The following TRAPPC9 variants were observed in gnomAD, a reference collection of about 807,000 sequenced individuals.
TRAPPC9 encodes the protein trafficking protein particle complex subunit 9, also known as IKK2 binding protein.
In TRAPPC9, 83 loss-of-function variants were observed where a neutral mutation model predicts 124.0. That is an observed-to-expected ratio of 0.67 (90% confidence interval 0.56 to 0.80). The LOEUF is 0.80. Among genes scored for constraint, TRAPPC9 ranks in the 30% least tolerant of loss-of-function variants. The pLI, the probability that TRAPPC9 is intolerant of heterozygous loss-of-function variation, is 0.00. For missense variants in TRAPPC9, 1,302 were observed against 1,508.3 expected, an observed-to-expected ratio of 0.86 and a Z score of 2.27; for synonymous variants, 638 against 617.5, an observed-to-expected ratio of 1.03 and a Z score of -0.49.
chr8:139,759,942 C>G (rs1820108578), intron 21 of TRAPPC9, among the ~76,000 whole-genome samples: 1 of 152,230 alleles, frequency 6.6e-6, no homozygotes, highest in Admixed American at 6.5e-5. Context: ...GAAGCCGTCC[C>G]TGGGGGCTGG....
At chr8:140,174,722 T>C (rs1159592492) in intron 17 of TRAPPC9, among the ~76,000 whole-genome samples, 1 of 152,222 alleles carries the variant, frequency 6.6e-6, no homozygotes, top group Non-Finnish European at 1.5e-5. Context: ...TCAAGGTGCA[T>C]CATGTCAAAG....
At chr8:140,025,062 C>T (rs1170713366) in intron 17 of TRAPPC9, among the ~76,000 whole-genome samples, 3 of 152,150 alleles carry the variant, frequency 2.0e-5, no homozygotes, top group Non-Finnish European at 4.4e-5. Context: ...TATGGGGAGA[C>T]CCCACCCATG....
chr8:140,278,663 C>T (rs969829464), intron 14 of TRAPPC9, among the ~76,000 whole-genome samples: 36 of 152,118 alleles, frequency 2.4e-4, no homozygotes, highest in Middle Eastern at 3.2e-3. Context: ...TGGAGAGGGC[C>T]GGACAACGCA....
At chr8:139,975,047 C>A (rs577694968) in intron 19 of TRAPPC9, among the ~76,000 whole-genome samples, 3 of 152,284 alleles carry the variant, frequency 2.0e-5, no homozygotes, top group Admixed American at 2.0e-4. Context: ...ACTGCCTCTC[C>A]AGCTCACTCT....
chr8:140,002,163 T>C lies in TRAPPC9; in HGVS notation c.2700-13327A>G, dbSNP rs1451663241. Among the ~76,000 whole-genome samples, 3 of 151,652 alleles carry C rather than the reference T, an allele frequency of 2.0e-5. 1 individual carries two copies. Among genetic ancestry groups the C allele is most frequent in the Non-Finnish European group, 1.5e-5 (1 of 67,902 alleles). ...CCACAAATACCCTTCATACCAATAA[T>C]ACTCAACAAATTTTTTGATACCAAA... On this transcript the variant is annotated intron_variant, in intron 18 of 22. Coordinates refer to ENST00000438773, the MANE Select transcript of TRAPPC9 (RefSeq NM_001160372.4).
chr8:140,426,143 G>A (rs1372164637), intron 5 of TRAPPC9, among the ~76,000 whole-genome samples: 1 of 152,162 alleles, frequency 6.6e-6, no homozygotes, highest in East Asian at 1.9e-4. Flanking sequence ...GGTTTTTGCT[G>A]TATTAATTAC....
chr8:140,419,444 A>AC lies in TRAPPC9; in HGVS notation c.886+7170_886+7171insG, dbSNP rs1171561190. ...ACTCCGTCTCAAAAAAAAAAAAAAA[A>AC]AAAAAAAACAAAACAAAACAAAAAA... On this transcript the variant is annotated intron_variant, in intron 5 of 22. Coordinates refer to ENST00000438773, the MANE Select transcript of TRAPPC9 (RefSeq NM_001160372.4). 6.7e-3 allele frequency among the ~76,000 whole-genome samples: 974 copies of AC among 146,364 alleles called. 7 individuals carry two copies. The highest frequency in any genetic ancestry group is 0.018 in the Middle Eastern group (5 of 276).
chr8:140,028,224 T>C (rs907007806), intron 17 of TRAPPC9, among the ~76,000 whole-genome samples: 15 of 152,176 alleles, frequency 9.9e-5, no homozygotes, highest in Non-Finnish European at 1.8e-4. Flanking sequence ...TCCAAGCCCT[T>C]TTCCTCAATC....
In TRAPPC9 at chr8:140,087,697, T is replaced by C. The variant is rs972539903; in HGVS notation, c.2557-63618A>G. Among the ~76,000 whole-genome samples, 1 of 152,140 alleles carries C rather than the reference T, an allele frequency of 6.6e-6. No homozygotes were observed. Among genetic ancestry groups the C allele is most frequent in the Non-Finnish European group, 1.5e-5 (1 of 68,016 alleles). ...CCACTGTCATCGCTTGTCTGGACAA[T>C]GCCACTGGCTCCCCACCTCGTCTCC... On this transcript the variant is annotated intron_variant, in intron 17 of 22. Coordinates refer to ENST00000438773, the MANE Select transcript of TRAPPC9 (RefSeq NM_001160372.4). The surrounding 1 kb of genome is among the most constrained non-coding windows in gnomAD (Gnocchi z 4.6).
At chr8:140,195,647 C>T (rs374380536) in intron 17 of TRAPPC9, among the ~76,000 whole-genome samples, 40 of 151,580 alleles carry the variant, frequency 2.6e-4, no homozygotes, top group African/African-American at 8.7e-4. Flanking sequence ...GACACTAAAA[C>T]ACACTCAATG....
chr8:140,300,440 C>G lies in TRAPPC9; in HGVS notation c.1768+29G>C, dbSNP rs747962102. On this transcript the variant is annotated intron_variant, in intron 11 of 22. Transcript: ENST00000438773. Reference sequence around the variant, plus strand: ...CCATTGGAAATCAGGTGGCAGAGCACGGTGGGAAAGCCAGGATCGACGTCC... The same window carrying G: ...CCATTGGAAATCAGGTGGCAGAGCAGGGTGGGAAAGCCAGGATCGACGTCC... 3 of 1,613,792 alleles carry G rather than the reference C, an allele frequency of 1.9e-6. No homozygotes were observed. In the African/African-American group the frequency reaches 4.0e-5, roughly 22 times the overall value.
At chr8:139,749,002 G>A (rs975905246) in intron 21 of TRAPPC9, among the ~76,000 whole-genome samples, 1 of 152,112 alleles carries the variant, frequency 6.6e-6, no homozygotes, top group Non-Finnish European at 1.5e-5. Context: ...ACATTTTCCA[G>A]AGAGAAGACA....
chr8:140,005,579 G>T (rs1381372), intron 18 of TRAPPC9, among the ~76,000 whole-genome samples: 97,102 of 151,272 alleles, frequency 0.64, 31,696 homozygotes, highest in African/African-American at 0.78. Context: ...CAATCAGCAC[G>T]GCTTATTGGG....
At chr8:140,238,639 A>G (rs1434204555) in intron 16 of TRAPPC9, 1 of 152,252 alleles carries the variant, frequency 6.6e-6, no homozygotes, top group Non-Finnish European at 1.5e-5. Context: ...AGCGCATAAT[A>G]TGACAAATGG....
rs143935612 is a variant in TRAPPC9 at position 139,878,033 on chromosome 8, C to T, written c.3055+7846G>A. ...AAAATATTAATAACTTCTGAGAATC[C>T]ACGCTGAGGGAATCGCCCCAAAACA... On this transcript the variant is annotated intron_variant, in intron 21 of 22. Transcript: ENST00000438773. Among the ~76,000 whole-genome samples the T allele has an allele frequency of 8.0e-3, 1,219 of 152,304 alleles. 14 individuals are homozygous for T. Among genetic ancestry groups the T allele is most frequent in the African/African-American group, 0.027 (1,141 of 41,560 alleles).
chr8:140,112,410 G>A (rs891766254), intron 17 of TRAPPC9, among the ~76,000 whole-genome samples: 2 of 151,580 alleles, frequency 1.3e-5, no homozygotes, highest in Non-Finnish European at 2.9e-5. Context: ...GAGTAATGGA[G>A]AATTCCAGAC....
At chr8:140,162,383 C>T (rs546042620) in intron 17 of TRAPPC9, among the ~76,000 whole-genome samples, 32 of 152,282 alleles carry the variant, frequency 2.1e-4, no homozygotes, top group African/African-American at 7.2e-4. Flanking sequence ...GGCTTTTCTA[C>T]GTACTCTAAC....
chr8:140,443,163 CG>C (rs1564027121), intron 2 of TRAPPC9, among the ~76,000 whole-genome samples: 1 of 108,024 alleles, frequency 9.3e-6, no homozygotes, highest in Non-Finnish European at 1.9e-5. Flanking sequence ...AAGCCAGGCG[CG>C]GTGGCTCACA....
intron 20 of TRAPPC9, among the ~76,000 whole-genome samples, chr8:139,889,816 C>T (rs528895691): frequency 1.3e-5 from 2 of 152,206 alleles, no homozygotes; most frequent in African/African-American, 4.8e-5. Context: ...GGACAGCCCC[C>T]CTGCGGCCCC....
Sources: allele counts gnomAD v4.1 joint callset (sites outside exome capture counted in the v4.1 genomes callset), GRCh38; gene constraint gnomAD v4.1.1; non-coding constraint Gnocchi (gnomAD v3.1); transcripts MANE v1.5; gene names NCBI Gene and HGNC (gene_info 2026-07-23, HGNC 2026-07-21).